The following GPM6B variants were observed in gnomAD, a reference collection of about 807,000 sequenced individuals.
GPM6B encodes glycoprotein M6B.
In GPM6B, 4 loss-of-function variants were observed where a neutral mutation model predicts 27.2. That is an observed-to-expected ratio of 0.15 (90% CI 0.07 to 0.34). The LOEUF is 0.34. Ranked by LOEUF, GPM6B falls within the 10% of genes least tolerant of loss-of-function variation. The probability of loss-of-function intolerance (pLI) is 1.00; values close to 1 mark genes in which losing one functional copy is unlikely to be tolerated. For synonymous variants in GPM6B, 124 were observed against 103.1 expected (o/e 1.20, Z -1.23); for missense variants, 183 against 261.9 (o/e 0.70, Z 2.08).
chrX:13,837,055 A>G (rs922386618), intron 1 of GPM6B, among the ~76,000 whole-genome samples: 1 of 112,321 alleles, frequency 8.9e-6, no homozygotes, highest in Non-Finnish European at 1.9e-5. Flanking sequence ...CCCCATAAAA[A>G]TCAATGTTTA....
chrX:13,852,140 C>T (rs1448839757), intron 1 of GPM6B, among the ~76,000 whole-genome samples: 2 of 110,436 alleles, frequency 1.8e-5, no homozygotes, highest in African/African-American at 6.6e-5. Flanking sequence ...TTTTGTGGGC[C>T]ATCTGGTCTC....
chrX:13,783,587 C>T (rs969228895), intron 3 of GPM6B, 66 bp from the exon 4 acceptor site: 16 of 920,101 alleles, frequency 1.7e-5, no homozygotes, highest in South Asian at 1.2e-4. Flanking sequence ...CGTTTCTGGA[C>T]GCTGGAGAGA....
In GPM6B at chrX:13,772,638, G is replaced by A. The variant is rs942838824; in HGVS notation, c.*243C>T. 1 of 318,471 alleles carries A rather than the reference G, an allele frequency of 3.1e-6. No individual in the cohort carries two copies. Among genetic ancestry groups the A allele is most frequent in the Non-Finnish European group, 5.5e-6 (1 of 180,200 alleles). 26.2% of individuals were successfully genotyped at this position (318,471 alleles called of 1,213,427 possible). A position where few individuals can be genotyped will look rare whatever the true frequency, so the allele number is the denominator to read the frequency against. On this transcript the variant is annotated 3_prime_UTR_variant, in exon 8 of 8. Coordinates refer to ENST00000316715, the MANE Select transcript of GPM6B (RefSeq NM_001001995.3). The stretch of plus-strand genomic sequence containing the variant: ...TGCCACAAATTCCCAAAGTATGAAC[G>A]ATCATTTTGTCAAAGTGTTGCCTTT...
At chrX:13,903,264 T>C (rs1316150930) in intron 1 of GPM6B, among the ~76,000 whole-genome samples, 1 of 111,605 alleles carries the variant, frequency 9.0e-6, no homozygotes, top group Admixed American at 9.5e-5. Context: ...AATCTCGATT[T>C]ATACCAGGCT....
intron 1 of GPM6B, among the ~76,000 whole-genome samples, chrX:13,857,078 C>T (rs1381739103): frequency 9.0e-6 from 1 of 111,519 alleles, no homozygotes; most frequent in Non-Finnish European, 1.9e-5. Flanking sequence ...CTGCTTCCAT[C>T]CTCACATCTC....
intron 1 of GPM6B, among the ~76,000 whole-genome samples, chrX:13,844,992 CTTTTTT>C (rs11332362): frequency 9.7e-5 from 9 of 92,820 alleles, no homozygotes; most frequent in South Asian, 5.4e-4. Context: ...TTTTCTTTTT[CTTTTTT>C]TTTTTTTTTG....
intron 1 of GPM6B, among the ~76,000 whole-genome samples, chrX:13,881,308 G>A (rs1316667822): frequency 8.9e-6 from 1 of 111,897 alleles, no homozygotes; most frequent in African/African-American, 3.2e-5. Context: ...CCAGGAGCTC[G>A]AGACCAGCCT....
intron 1 of GPM6B, among the ~76,000 whole-genome samples, chrX:13,866,973 T>C (rs2049927220): frequency 8.9e-6 from 1 of 111,974 alleles, no homozygotes; most frequent in African/African-American, 3.2e-5. Context: ...GAAGAGACAA[T>C]TGAAGAATAT....
At chrX:13,788,150 T>A (rs183174612) in intron 2 of GPM6B, among the ~76,000 whole-genome samples, 8 of 112,185 alleles carry the variant, frequency 7.1e-5, no homozygotes, top group African/African-American at 2.6e-4. Context: ...ACATTTTGAA[T>A]TGTCACATAT....
intron 2 of GPM6B, among the ~76,000 whole-genome samples, chrX:13,805,122 G>A (rs1477584489): frequency 3.6e-5 from 4 of 111,852 alleles, no homozygotes; most frequent in Non-Finnish European, 7.5e-5. Flanking sequence ...GGTGGAGATT[G>A]TTTCAGGATC....
intron 1 of GPM6B, among the ~76,000 whole-genome samples, chrX:13,811,160 T>C (rs757122056): frequency 8.9e-6 from 1 of 112,041 alleles, no homozygotes; most frequent in South Asian, 3.7e-4. Context: ...AGAGTGAAGA[T>C]AGAGATGAGG....
chrX:13,922,169 T>A (rs1920986270), intron 1 of GPM6B, among the ~76,000 whole-genome samples: 1 of 111,269 alleles, frequency 9.0e-6, no homozygotes, highest in Admixed American at 9.6e-5. Flanking sequence ...TGCCTTATTG[T>A]TTCTTAACCT....
chrX:13,884,580 G>C (rs183093655), intron 1 of GPM6B, among the ~76,000 whole-genome samples: 5 of 112,182 alleles, frequency 4.5e-5, no homozygotes, highest in Non-Finnish European at 9.4e-5. Flanking sequence ...CCTATCAATC[G>C]ATAATGCAAA....
chrX:13,895,986 C>CT (rs58403223), intron 1 of GPM6B, among the ~76,000 whole-genome samples: 1,383 of 87,092 alleles, frequency 0.016, 21 homozygotes, highest in African/African-American at 0.046. Flanking sequence ...GCTAGAAAAA[C>CT]TTTTTTTTTT....
intron 1 of GPM6B, among the ~76,000 whole-genome samples, chrX:13,879,059 C>T (rs1232403727): frequency 1.8e-5 from 2 of 112,062 alleles, no homozygotes; most frequent in African/African-American, 6.5e-5. Context: ...TTGTTTTAAG[C>T]CACTAAATTT....
At chrX:13,783,183 T>G (rs1301765326) in intron 4 of GPM6B, among the ~76,000 whole-genome samples, 182 bp downstream of exon 4, 1 of 112,684 alleles carries the variant, frequency 8.9e-6, no homozygotes, top group Non-Finnish European at 1.9e-5. Flanking sequence ...GACTTTAGTT[T>G]ACTATCAATA....
At chrX:13,794,743 A>G (rs2048779259) in intron 2 of GPM6B, among the ~76,000 whole-genome samples, 1 of 111,466 alleles carries the variant, frequency 9.0e-6, no homozygotes, top group South Asian at 3.8e-4. Flanking sequence ...AAAATTATTA[A>G]TTTGATTAAA....
At chrX:13,900,978 A>C (rs2050276975) in intron 1 of GPM6B, among the ~76,000 whole-genome samples, 1 of 112,103 alleles carries the variant, frequency 8.9e-6, no homozygotes. Flanking sequence ...AGAGGAGGCT[A>C]TATGCAAACC....
intron 1 of GPM6B, among the ~76,000 whole-genome samples, chrX:13,876,381 C>T (rs2050033480): frequency 8.9e-6 from 1 of 112,364 alleles, no homozygotes; most frequent in Non-Finnish European, 1.9e-5. Flanking sequence ...AGTGAACGTA[C>T]AACATGTCTG....
Sources: gnomAD v4.1 joint callset for allele counts (sites outside exome capture counted in the v4.1 genomes callset) on GRCh38, gnomAD v4.1.1 for gene constraint, MANE v1.5 for transcripts, NCBI Gene and HGNC (gene_info 2026-07-23, HGNC 2026-07-21) for gene names.